Variants in TMEM19 observed in about 807,000 individuals in gnomAD.
TMEM19 encodes the protein transmembrane protein 19.
Under a neutral mutation model 33.6 loss-of-function variants are expected in TMEM19, and 21 were observed. The observed-to-expected ratio is 0.62, with a 90% CI of 0.44 to 0.90. The LOEUF is 0.90. TMEM19 is among the 40% of genes least tolerant of loss of function. The probability of loss-of-function intolerance (pLI) is 0.00; values close to 1 mark genes in which losing one functional copy is unlikely to be tolerated. For synonymous variants in TMEM19, 149 were observed against 147.5 expected (o/e 1.01, Z -0.07); for missense variants, 402 against 401.8 (o/e 1.00, Z 0.00).
chr12:71,700,750 TAAAAAA>T, intron 5 of TMEM19, 76 bp from the exon 6 acceptor site: 1 of 1,088,658 alleles, frequency 9.2e-7, no homozygotes, highest in South Asian at 2.2e-5. Flanking sequence ...TAAAGTATAA[TAAAAAA>T]AAAAAAAAAG....
chr12:71,686,641 T>A lies in TMEM19; in HGVS notation c.-40T>A. Reference sequence around the variant, plus strand: ...GTAAATGACTTTCTCTCCGAAACGCTAAATATTCTTTCCCGCAGGAGCTCA... The same window carrying A: ...GTAAATGACTTTCTCTCCGAAACGCAAAATATTCTTTCCCGCAGGAGCTCA... On this transcript the variant is annotated 5_prime_UTR_variant, in exon 1 of 6. An upstream open reading frame in the 5' UTR loses its in-frame stop. Coordinates refer to ENST00000266673, the MANE Select transcript of TMEM19 (RefSeq NM_018279.4). 2 of 1,605,630 alleles carry A rather than the reference T, an allele frequency of 1.2e-6. No individual in the cohort carries two copies. The highest frequency in any genetic ancestry group is 1.7e-6 in the Non-Finnish European group (2 of 1,177,750).
chr12:71,691,647 G>C (rs1468494846), intron 2 of TMEM19, among the ~76,000 whole-genome samples: 1 of 147,114 alleles, frequency 6.8e-6, no homozygotes, highest in Admixed American at 6.8e-5. Flanking sequence ...AATTAGCCTG[G>C]CGTGGTAGTG....
chr12:71,693,228 G>A (rs542963551), intron 2 of TMEM19, among the ~76,000 whole-genome samples: 80 of 151,522 alleles, frequency 5.3e-4, no homozygotes, highest in African/African-American at 1.7e-3. Flanking sequence ...GCAGGGTCTC[G>A]CTCTATCACC....
chr12:71,699,133 C>T, intron 5 of TMEM19, 24 bp downstream of exon 5: 1 of 1,608,826 alleles, frequency 6.2e-7, no homozygotes. Context: ...TTCATTCTTG[C>T]AACTTATTGG....
In TMEM19 at chr12:71,686,122, G is replaced by A. The variant is rs1474186131; in HGVS notation, c.-559G>A. The A allele has an allele frequency of 1.3e-5, 2 of 155,524 alleles. No individual in the cohort carries two copies. Among genetic ancestry groups the A allele is most frequent in the Non-Finnish European group, 2.8e-5 (2 of 70,374 alleles). The allele number at this position is 155,524 out of a possible 1,614,324, so 9.6% of individuals were successfully genotyped here. A position where few individuals can be genotyped will look rare whatever the true frequency, so the allele number is the denominator to read the frequency against. ...GAGGCGCTAGAGGCGGGGGCGCCGGGAGGCGCGGGCTTTGCTCCTGGGGTC... is the reference window on the plus strand; with the variant it reads ...GAGGCGCTAGAGGCGGGGGCGCCGGAAGGCGCGGGCTTTGCTCCTGGGGTC... On this transcript the variant is annotated 5_prime_UTR_variant, in exon 1 of 6. Coordinates refer to ENST00000266673, the MANE Select transcript of TMEM19 (RefSeq NM_018279.4).
At chr12:71,700,496 C>G (rs531477075) in intron 5 of TMEM19, among the ~76,000 whole-genome samples, 2 of 152,284 alleles carry the variant, frequency 1.3e-5, no homozygotes, top group East Asian at 1.9e-4. Context: ...GTTTCATGCC[C>G]TCTCTGCTTT....
chr12:71,687,045 G>T lies in TMEM19; in HGVS notation c.130+235G>T, dbSNP rs556227206. On this transcript the variant is annotated intron_variant, in intron 1 of 5. Coordinates refer to ENST00000266673, the MANE Select transcript of TMEM19 (RefSeq NM_018279.4). Reference sequence around the variant, plus strand: ...TCTTTTTTTTTTTAATTTTTATTTTGTATAAGATAGGGGTCCCTCTGTGTT... The same window carrying T: ...TCTTTTTTTTTTTAATTTTTATTTTTTATAAGATAGGGGTCCCTCTGTGTT... 3.4e-4 allele frequency among the ~76,000 whole-genome samples: 50 copies of T among 149,078 alleles called. No individual in the cohort carries two copies. The Middle Eastern group carries it at 0.01, about 31-fold the overall frequency.
intron 2 of TMEM19, among the ~76,000 whole-genome samples, chr12:71,694,960 A>G (rs765343547): frequency 2.0e-5 from 3 of 152,186 alleles, no homozygotes; most frequent in South Asian, 2.1e-4. Context: ...TACTCCCCCA[A>G]TGCTATCTGT....
chr12:71,688,972 A>T (rs148923323), intron 1 of TMEM19, among the ~76,000 whole-genome samples: 4 of 152,000 alleles, frequency 2.6e-5, no homozygotes, highest in African/African-American at 4.8e-5. Flanking sequence ...TGCCCCCTTT[A>T]AAAAAAATGA....
intron 2 of TMEM19, among the ~76,000 whole-genome samples, chr12:71,694,180 C>T: frequency 6.6e-6 from 1 of 152,168 alleles, no homozygotes; most frequent in East Asian, 1.9e-4. Context: ...CAGTCACAGT[C>T]AGTCTCTAAG....
rs1251206799 is a variant in TMEM19 at position 71,703,693 on chromosome 12, T to C, written c.*2698T>C. 5.9e-6 allele frequency: 1 copy of C among 168,850 alleles called. No individual in the cohort carries two copies. The highest frequency in any genetic ancestry group is 1.3e-5 in the Non-Finnish European group (1 of 77,564). The allele number at this position is 168,850 out of a possible 1,614,324, so 10.5% of individuals were successfully genotyped here. A position where few individuals can be genotyped will look rare whatever the true frequency, so the allele number is the denominator to read the frequency against. ...AAAACTACTAAAAAAAAGTCTGGGA[T>C]GGCAGCTCATTATCAAATATACTCC... On this transcript the variant is annotated 3_prime_UTR_variant, in exon 6 of 6. Transcript: ENST00000266673.
Position 71,698,610 on chromosome 12 carries a change from AGAGAGAGAGAGAGAGAG to A in TMEM19, c.638-289_638-273del, listed in dbSNP as rs1253249536. 6.7e-3 allele frequency among the ~76,000 whole-genome samples: 320 copies of A among 47,626 alleles called. 4 individuals carry two copies. The highest frequency in any genetic ancestry group is 0.012 in the African/African-American group (301 of 24,242). 31.2% of individuals were successfully genotyped at this position (47,626 alleles called of 152,430 possible). On this transcript the variant is annotated intron_variant, in intron 4 of 5. Coordinates refer to ENST00000266673, the MANE Select transcript of TMEM19 (RefSeq NM_018279.4). ...AGAGCAAAACCTTGTCTCTGAAAAGAGAGAGAGAGAGAGAGAGAGAGAGAGAGAGAGAGAGAGAGAGA... is the reference window on the plus strand; with the variant it reads ...AGAGCAAAACCTTGTCTCTGAAAAGAAGAGAGAGAGAGAGAGAGAGAGAGA...
At position 71,696,506 on chromosome 12, in the gene TMEM19, G is replaced by C; in HGVS notation, c.315G>C (p.Leu105Phe). The change falls in exon 3 of 6, where the codon TTG becomes TTC. Residue 105 changes from leucine (L) to phenylalanine (F), a missense_variant. Transcript: ENST00000266673. ...TTACCTCTTTGCTGATGTTTTTCTT[G>C]TCTTCTTCGAAACTCACTAAATGGA... ...SFFTSLLMFF[L>F]SSSKLTKWKG... The C allele has an allele frequency of 6.2e-7, 1 of 1,611,854 alleles. No homozygotes were observed. Among genetic ancestry groups the C allele is most frequent in the Non-Finnish European group, 8.5e-7 (1 of 1,178,728 alleles).
chr12:71,703,894 T>TG lies in TMEM19; in HGVS notation c.*2899_*2900insG. The TG allele has an allele frequency of 4.2e-6, 1 of 239,766 alleles. No individual in the cohort carries two copies. Among genetic ancestry groups the TG allele is most frequent in the South Asian group, 4.2e-5 (1 of 24,068 alleles). The allele number at this position is 239,766 out of a possible 1,614,324, so 14.9% of individuals were successfully genotyped here. On this transcript the variant is annotated 3_prime_UTR_variant, in exon 6 of 6. Transcript: ENST00000266673. ...TGTGTCTCTGTCCTTTTTTTTTTTT[T>TG]TTGTTAAGTCTTACATGTATTTTAC... is the stretch of plus-strand genomic sequence containing the variant.
At position 71,696,550 on chromosome 12, in the gene TMEM19, G is replaced by A. The variant is rs564346366; in HGVS notation, c.359G>A (p.Arg120His). 127 of 1,607,770 alleles carry A rather than the reference G, an allele frequency of 7.9e-5. 1 individual carries two copies. The South Asian group carries it at 1.2e-3, about 15-fold the overall frequency. ...AAATGGAAGGGAGAAGTGAAGAAGC[G>A]TCTAGATTCAGAATATAAGGAAGGT... is the stretch of plus-strand genomic sequence containing the variant. The part of the protein sequence containing the change: ...LTKWKGEVKK[R>H]LDSEYKEGGQ... The change falls in exon 3 of 6, where the codon CGT (arginine) becomes CAT (histidine). Residue 120 changes from arginine to histidine, a missense_variant. Arg to His is a conservative substitution (Grantham distance 29, BLOSUM62 0). Transcript: ENST00000266673.
At position 71,701,838 on chromosome 12, in the gene TMEM19, T is replaced by G. The variant is rs1192755766; in HGVS notation, c.*843T>G. The G allele has an allele frequency of 6.6e-6, 1 of 152,190 alleles. No homozygotes were observed. Among genetic ancestry groups the G allele is most frequent in the African/African-American group, 2.4e-5 (1 of 41,440 alleles). The allele number at this position is 152,190 out of a possible 1,614,324, so 9.4% of individuals were successfully genotyped here. On this transcript the variant is annotated 3_prime_UTR_variant, in exon 6 of 6. Transcript: ENST00000266673. The stretch of plus-strand genomic sequence containing the variant: ...GAACAGTTAAGAGTCACTGGGAAAT[T>G]ATTGTATTTCTTTATAAATTTACTG...
At chr12:71,693,343 C>T (rs1030891311) in intron 2 of TMEM19, among the ~76,000 whole-genome samples, 9 of 152,150 alleles carry the variant, frequency 5.9e-5, no homozygotes, top group South Asian at 2.1e-4. Flanking sequence ...ACTACAGGCA[C>T]GCGCCGCCAC....
At chr12:71,695,898 G>A (rs138389120) in intron 2 of TMEM19, among the ~76,000 whole-genome samples, 2 of 152,260 alleles carry the variant, frequency 1.3e-5, no homozygotes, top group East Asian at 3.9e-4. Flanking sequence ...CCCTGTTTCT[G>A]TACTCTCGAT....
chr12:71,700,900 C>G lies in TMEM19; in HGVS notation c.916C>G (p.Pro306Ala). The G allele has an allele frequency of 6.2e-7, 1 of 1,613,774 alleles. No individual in the cohort carries two copies. The highest frequency in any genetic ancestry group is 8.5e-7 in the Non-Finnish European group (1 of 1,179,858). ...TAAGGCAAGGCACATAGCAGGGAAACCCATTCTTGATAACAACGCAGTGAA... is the reference window on the plus strand; with the variant it reads ...TAAGGCAAGGCACATAGCAGGGAAAGCCATTCTTGATAACAACGCAGTGAA... The part of the protein sequence containing the change: ...TNKARHIAGK[P>A]ILDNNAVNLF... Residue 306 changes from proline to alanine, a missense_variant, in exon 6 of 6, where the codon CCC becomes GCC. Physicochemically the swap from Pro to Ala is conservative, Grantham distance 27. Transcript: ENST00000266673.
Sources: gnomAD v4.1 joint callset for allele counts (sites outside exome capture counted in the v4.1 genomes callset) on GRCh38, gnomAD v4.1.1 for gene constraint, MANE v1.5 for transcripts, NCBI Gene and HGNC (gene_info 2026-07-23, HGNC 2026-07-21) for gene names.